BCL2L11: variants seen among roughly 807,000 people sequenced by gnomAD.
BCL2L11 encodes the protein BCL2 like 11.
BCL2L11 carries 15 observed loss-of-function variants against 20.6 expected under a neutral mutation model. That is an observed-to-expected ratio of 0.73 (90% CI 0.49 to 1.12). BCL2L11 has a LOEUF of 1.12. Among genes scored for constraint, BCL2L11 ranks in the 50% most tolerant of loss-of-function variants. The pLI, the probability that BCL2L11 is intolerant of heterozygous loss-of-function variation, is 0.00. For synonymous variants in BCL2L11, 108 were observed against 92.8 expected, an observed-to-expected ratio of 1.16 and a Z score of -0.94; for missense variants, 292 against 260.9, an observed-to-expected ratio of 1.12 and a Z score of -0.82.
chr2:111,152,098 T>C (rs1232048855), intron 3 of BCL2L11, among the ~76,000 whole-genome samples: 1 of 152,158 alleles, frequency 6.6e-6, no homozygotes, highest in African/African-American at 2.4e-5. Context: ...TGAGTCCCTT[T>C]AAGAGGGTAG....
chr2:111,124,128 T>A lies in BCL2L11; in HGVS notation c.383T>A (p.Leu128His), dbSNP rs2150145089. 1 of 1,610,070 alleles carries A rather than the reference T, an allele frequency of 6.2e-7. No individual in the cohort carries two copies. The highest frequency in any genetic ancestry group is 1.1e-5 in the South Asian group (1 of 90,628). The change falls in exon 2 of 4, where the codon CTC becomes CAC. Residue 128 changes from leucine to histidine, a missense_variant. Transcript: ENST00000393256. Reference protein sequence around the residue: ...SPPCQAFNHYLSAMASMRQAE... With the variant: ...SPPCQAFNHYHSAMASMRQAE... ...CCTTGCCAGGCCTTCAACCACTATC[T>A]CAGTGCAATGGGTAAGCAATGCCTG... is the stretch of plus-strand genomic sequence containing the variant.
At chr2:111,145,205 C>T (rs916660342) in intron 2 of BCL2L11, among the ~76,000 whole-genome samples, 19 of 152,182 alleles carry the variant, frequency 1.2e-4, no homozygotes, top group African/African-American at 4.6e-4. Context: ...CAGCAGCTGC[C>T]CCTCGGAAAT....
chr2:111,130,503 T>C (rs1355239531), intron 2 of BCL2L11, among the ~76,000 whole-genome samples: 1 of 152,258 alleles, frequency 6.6e-6, no homozygotes, highest in African/African-American at 2.4e-5. Context: ...TCCTTAATTC[T>C]AAGAGTTTTT....
intron 2 of BCL2L11, among the ~76,000 whole-genome samples, chr2:111,139,565 C>T (rs543457155): frequency 1.3e-5 from 2 of 152,262 alleles, no homozygotes; most frequent in Admixed American, 1.3e-4. Flanking sequence ...AGTGAGAAGA[C>T]AATTTAGACA....
At chr2:111,122,750 A>T in intron 1 of BCL2L11, 1 of 984,862 alleles carries the variant, frequency 1.0e-6, no homozygotes, top group Non-Finnish European at 1.2e-6. Flanking sequence ...GGCTGGCGGG[A>T]AGGCGCGGGC....
intron 2 of BCL2L11, chr2:111,132,341 G>A (rs2074101594): frequency 6.6e-6 from 1 of 152,140 alleles, no homozygotes; most frequent in South Asian, 2.1e-4. Flanking sequence ...TTAGAACTCG[G>A]TTCTTCTTTA....
chr2:111,147,340 TCTCTCTCACACACACA>T (rs2076661071), intron 2 of BCL2L11, among the ~76,000 whole-genome samples: 2 of 134,974 alleles, frequency 1.5e-5, no homozygotes, highest in African/African-American at 5.5e-5. Context: ...TCTCTCTCTC[TCTCTCTCACACACACA>T]CACACACACA....
At chr2:111,133,416 A>G (rs371801729) in intron 2 of BCL2L11, among the ~76,000 whole-genome samples, 3 of 152,172 alleles carry the variant, frequency 2.0e-5, no homozygotes, top group African/African-American at 4.8e-5. Context: ...GTGTTTTGGT[A>G]TGTTGTGTTT....
chr2:111,151,812 C>T, intron 3 of BCL2L11: 1 of 1,534,978 alleles, frequency 6.5e-7, no homozygotes, highest in Non-Finnish European at 8.8e-7. Context: ...TCTTAAAATA[C>T]TGTCTTAAGC....
At chr2:111,163,784 T>G (rs2078852886) in intron 3 of BCL2L11, among the ~76,000 whole-genome samples, 1 of 152,136 alleles carries the variant, frequency 6.6e-6, no homozygotes, top group Admixed American at 6.5e-5. Context: ...CTGCAGCATA[T>G]TTGAATGTCA....
rs1223531754 is a variant in BCL2L11 at position 111,167,244 on chromosome 2, G to GCT, written c.*3017_*3018dup. 2 of 152,202 alleles carry GCT rather than the reference G, an allele frequency of 1.3e-5. No homozygotes were observed. Among genetic ancestry groups the GCT allele is most frequent in the Non-Finnish European group, 2.9e-5 (2 of 68,038 alleles). The allele number at this position is 152,202 out of a possible 1,614,324, so 9.4% of individuals were successfully genotyped here. ...GCAGACCACGTGGTCCTCCAGGGTG[G>GCT]CTCTCCACCTTCGGGTCCTGGTATT... On this transcript the variant is annotated 3_prime_UTR_variant, in exon 4 of 4. Coordinates refer to ENST00000393256, the MANE Select transcript of BCL2L11 (RefSeq NM_138621.5).
chr2:111,162,367 T>A (rs1329944419), intron 3 of BCL2L11, among the ~76,000 whole-genome samples: 1 of 152,200 alleles, frequency 6.6e-6, no homozygotes, highest in African/African-American at 2.4e-5. Context: ...AGGGATTGGG[T>A]GTAACTTTTG....
At chr2:111,121,524 G>A (rs1574833757) in intron 1 of BCL2L11, among the ~76,000 whole-genome samples, 1 of 152,328 alleles carries the variant, frequency 6.6e-6, no homozygotes, top group African/African-American at 2.4e-5. Flanking sequence ...CGGGAGCTGA[G>A]GACCTGCTCG....
intron 2 of BCL2L11, among the ~76,000 whole-genome samples, chr2:111,147,905 G>A (rs958948143): frequency 1.2e-4 from 19 of 152,320 alleles, no homozygotes; most frequent in African/African-American, 2.2e-4. Context: ...GGTAAGCCCC[G>A]TGGGAGCAGG....
At chr2:111,122,866 G>A (rs1227538467) in intron 1 of BCL2L11, 1 of 985,380 alleles carries the variant, frequency 1.0e-6, no homozygotes, top group East Asian at 1.1e-4. Flanking sequence ...GCGCGGGCCG[G>A]ACGCCGCGGG....
intron 3 of BCL2L11, among the ~76,000 whole-genome samples, chr2:111,154,745 A>G (rs574268727): frequency 6.6e-6 from 1 of 152,330 alleles, no homozygotes; most frequent in Non-Finnish European, 1.5e-5. Flanking sequence ...TCCATTTGTA[A>G]TAGGACAGAG....
chr2:111,133,822 T>C (rs73954945), intron 2 of BCL2L11, among the ~76,000 whole-genome samples: 3 of 152,212 alleles, frequency 2.0e-5, no homozygotes, highest in Non-Finnish European at 4.4e-5. Context: ...GAGAATGTGG[T>C]GCTGAAATCC....
chr2:111,151,340 A>G (rs1369830554), intron 3 of BCL2L11, among the ~76,000 whole-genome samples: 1 of 152,226 alleles, frequency 6.6e-6, no homozygotes. Context: ...AGTTTTAAAC[A>G]CCTCATATAA....
At position 111,166,074 on chromosome 2, in the gene BCL2L11, G is replaced by T. The variant is rs923183655; in HGVS notation, c.*1843G>T. On this transcript the variant is annotated 3_prime_UTR_variant, in exon 4 of 4. Transcript: ENST00000393256. The stretch of plus-strand genomic sequence containing the variant: ...CTCATCTTGTTCCCTGATGTGTCTC[G>T]AGCCCATTGGTAGGGTCATACAAAG... 1 of 152,410 alleles carries T rather than the reference G, an allele frequency of 6.6e-6. No homozygotes were observed. Among genetic ancestry groups the T allele is most frequent in the Non-Finnish European group, 1.5e-5 (1 of 68,016 alleles). The allele number at this position is 152,410 out of a possible 1,614,324, so 9.4% of individuals were successfully genotyped here. A position where few individuals can be genotyped will look rare whatever the true frequency, so the allele number is the denominator to read the frequency against.
Sources: allele counts gnomAD v4.1 joint callset (sites outside exome capture counted in the v4.1 genomes callset), GRCh38; gene constraint gnomAD v4.1.1; transcripts MANE v1.5; gene names NCBI Gene and HGNC (gene_info 2026-07-23, HGNC 2026-07-21).